Variants in ETFA observed in about 807,000 individuals in gnomAD.
ETFA encodes electron transfer flavoprotein subunit alpha, also known as electron transfer flavoprotein subunit alpha, mitochondrial.
A neutral mutation model predicts 46.2 loss-of-function variants in ETFA; 22 were observed. That is an observed-to-expected ratio of 0.48 (90% CI 0.34 to 0.68). The LOEUF (loss-of-function observed/expected upper bound fraction) is 0.68, where lower values mean the gene tolerates loss of function less well. ETFA is among the 30% of genes least tolerant of loss of function. The pLI, the probability that ETFA is intolerant of heterozygous loss-of-function variation, is 0.01. For missense variants in ETFA, 345 were observed against 401.1 expected (o/e 0.86, Z 1.19); for synonymous variants, 131 against 139.9 (o/e 0.94, Z 0.45).
chr15:76,309,220 C>T (rs1248643082), intron 1 of ETFA, among the ~76,000 whole-genome samples: 3 of 152,114 alleles, frequency 2.0e-5, no homozygotes, highest in South Asian at 2.1e-4. Flanking sequence ...GAGGCCAAGG[C>T]GGGCGGATCA....
chr15:76,273,537 A>C (rs2039561148), intron 9 of ETFA, among the ~76,000 whole-genome samples: 1 of 151,666 alleles, frequency 6.6e-6, no homozygotes, highest in Admixed American at 6.6e-5. Flanking sequence ...CCTGGGTGAC[A>C]GAGCAAGACT....
intron 9 of ETFA, among the ~76,000 whole-genome samples, chr15:76,240,768 T>C (rs942653178): frequency 6.6e-6 from 1 of 152,016 alleles, no homozygotes; most frequent in Non-Finnish European, 1.5e-5. Context: ...TAACTTCAGC[T>C]GTGCTCAGTG....
At chr15:76,237,382 A>G (rs2176622) in intron 9 of ETFA, among the ~76,000 whole-genome samples, 149,030 of 152,272 alleles carry the variant, frequency 0.98, 73,007 homozygotes, top group East Asian at 1. Context: ...AACCTCAAAC[A>G]CATATTAGAA....
chr15:76,267,987 C>A (rs1259433772), intron 9 of ETFA, among the ~76,000 whole-genome samples: 2 of 151,896 alleles, frequency 1.3e-5, no homozygotes, highest in Non-Finnish European at 2.9e-5. Context: ...CTGTACAGTG[C>A]AAATTGAAGG....
intron 1 of ETFA, among the ~76,000 whole-genome samples, chr15:76,299,745 T>C (rs909497498): frequency 6.6e-6 from 1 of 152,196 alleles, no homozygotes; most frequent in Non-Finnish European, 1.5e-5. Context: ...TTCCTGTCCT[T>C]GCCCTATCAC....
chr15:76,299,520 C>T (rs984480686), intron 1 of ETFA, among the ~76,000 whole-genome samples: 7 of 152,094 alleles, frequency 4.6e-5, no homozygotes, highest in Admixed American at 2.0e-4. Flanking sequence ...TGGGCTCAAA[C>T]GATCCTCGCA....
chr15:76,226,241 A>T (rs1469938185), intron 10 of ETFA: 1 of 292,048 alleles, frequency 3.4e-6, no homozygotes, highest in East Asian at 8.7e-5. Context: ...ACCCAAATCC[A>T]CAGCCTTTGT....
chr15:76,217,713 G>C (rs1596184426), intron 11 of ETFA: 1 of 426,662 alleles, frequency 2.3e-6, no homozygotes. Flanking sequence ...CTGAAAACTG[G>C]TCCAGCCACT....
At chr15:76,298,794 TTGTCAGAAAGAAAAATATAATCTCAAAAG>T in intron 1 of ETFA, among the ~76,000 whole-genome samples, 1 of 152,250 alleles carries the variant, frequency 6.6e-6, no homozygotes, top group South Asian at 2.1e-4. Context: ...AAAAATAGCA[TTGTCAGAAAGAAAAATATAATCTCAAAAG>T]ACCTCTTTTC....
At chr15:76,260,149 G>T in intron 9 of ETFA, 1 of 1,414,216 alleles carries the variant, frequency 7.1e-7, no homozygotes, top group Middle Eastern at 1.8e-4. Context: ...TATCCAGCCA[G>T]GGTGAACTGC....
At chr15:76,272,991 TCTTCTTTTCTGA>T (rs1257863053) in intron 9 of ETFA, among the ~76,000 whole-genome samples, 23 of 151,974 alleles carry the variant, frequency 1.5e-4, no homozygotes, top group South Asian at 8.3e-4. Context: ...AAGCTTTAAA[TCTTCTTTTCTGA>T]CTTCTTTTCT....
At chr15:76,256,513 A>G (rs560772040) in intron 9 of ETFA, among the ~76,000 whole-genome samples, 1 of 152,332 alleles carries the variant, frequency 6.6e-6, no homozygotes, top group African/African-American at 2.4e-5. Flanking sequence ...TTTTTCGCAG[A>G]TATCTTACTG....
chr15:76,279,263 C>A (rs1172098258), intron 8 of ETFA, among the ~76,000 whole-genome samples: 1 of 152,112 alleles, frequency 6.6e-6, no homozygotes, highest in Non-Finnish European at 1.5e-5. Context: ...ACCATGTAAC[C>A]ACTACCTATG....
chr15:76,268,675 C>T (rs904124583), intron 9 of ETFA, among the ~76,000 whole-genome samples: 2 of 152,148 alleles, frequency 1.3e-5, no homozygotes, highest in African/African-American at 2.4e-5. Flanking sequence ...GACAGACCTC[C>T]ATCCTTCTGC....
intron 11 of ETFA, among the ~76,000 whole-genome samples, chr15:76,222,304 AAT>A (rs1455138900): frequency 6.8e-6 from 1 of 147,890 alleles, no homozygotes; most frequent in Non-Finnish European, 1.5e-5. Context: ...AACATTAAGA[AAT>A]ATAATTATAC....
At chr15:76,285,489 C>G in intron 7 of ETFA, 148 bp downstream of exon 7, 1 of 612,108 alleles carries the variant, frequency 1.6e-6, no homozygotes, top group Non-Finnish European at 2.9e-6. Context: ...TTTCATTTTC[C>G]TAATTGGTTA....
At chr15:76,300,508 A>G (rs1229831395) in intron 1 of ETFA, among the ~76,000 whole-genome samples, 3 of 152,178 alleles carry the variant, frequency 2.0e-5, no homozygotes, top group Non-Finnish European at 4.4e-5. Flanking sequence ...CGTCAATGCC[A>G]ATATCCTAGT....
chr15:76,234,227 G>A (rs1471361635), intron 9 of ETFA, among the ~76,000 whole-genome samples: 6 of 152,040 alleles, frequency 3.9e-5, no homozygotes, highest in African/African-American at 1.4e-4. Flanking sequence ...ACAAGTATAG[G>A]GATTTTGGCG....
intron 11 of ETFA, among the ~76,000 whole-genome samples, chr15:76,218,068 C>T (rs1006843706): frequency 2.0e-5 from 3 of 152,222 alleles, no homozygotes; most frequent in African/African-American, 7.2e-5. Flanking sequence ...GACATGCTAA[C>T]TGAGTTTCAC....
Sources: allele counts gnomAD v4.1 joint callset (sites outside exome capture counted in the v4.1 genomes callset), GRCh38; gene constraint gnomAD v4.1.1; transcripts MANE v1.5; gene names NCBI Gene and HGNC (gene_info 2026-07-23, HGNC 2026-07-21).